VAMP4: variants seen among roughly 807,000 people sequenced by gnomAD.
VAMP4 encodes vesicle-associated membrane protein 4.
Under a neutral mutation model 23.5 loss-of-function variants are expected in VAMP4, and 19 were observed. The ratio of observed to expected loss-of-function variants is 0.81; its 90% CI spans 0.56 to 1.19. The LOEUF is 1.19. Among genes scored for constraint, VAMP4 ranks in the 50% most tolerant of loss-of-function variants. VAMP4 has a pLI of 0.00. For synonymous variants in VAMP4, 31 were observed against 51.0 expected, an observed-to-expected ratio of 0.61 and a Z score of 1.67; for missense variants, 145 against 168.6, an observed-to-expected ratio of 0.86 and a Z score of 0.78.
intron 3 of VAMP4, 92 bp from the exon 4 acceptor site, chr1:171,719,313 T>C: frequency 1.8e-6 from 2 of 1,096,012 alleles, no homozygotes; most frequent in Non-Finnish European, 2.6e-6. Flanking sequence ...ATACAAACAA[T>C]CAAGCTGAAC....
chr1:171,708,300 A>T (rs1572238710), intron 6 of VAMP4, among the ~76,000 whole-genome samples: 1 of 146,054 alleles, frequency 6.8e-6, no homozygotes, highest in Non-Finnish European at 1.5e-5. Context: ...AGATTGTGCC[A>T]CTGCACTCCA....
intron 6 of VAMP4, 66 bp from the exon 7 acceptor site, chr1:171,706,484 G>A (rs1361112723): frequency 2.7e-6 from 4 of 1,472,604 alleles, no homozygotes; most frequent in Non-Finnish European, 3.7e-6. Context: ...ACTATTTGTT[G>A]TTCTATTTAC....
At chr1:171,733,294 C>CAAAAAAAAAAAA (rs35176644) in intron 2 of VAMP4, among the ~76,000 whole-genome samples, 1 of 58,114 alleles carries the variant, frequency 1.7e-5, no homozygotes, top group Non-Finnish European at 3.0e-5. Context: ...CCCATCTCTA[C>CAAAAAAAAAAAA]AAAAAAAAAA....
chr1:171,724,136 C>T (rs540551093), intron 3 of VAMP4, among the ~76,000 whole-genome samples: 6 of 152,076 alleles, frequency 3.9e-5, no homozygotes, highest in South Asian at 4.2e-4. Context: ...TGGAATACTA[C>T]GCAGCCATAA....
At chr1:171,736,176 C>G (rs1197086217) in intron 2 of VAMP4, among the ~76,000 whole-genome samples, 1 of 152,160 alleles carries the variant, frequency 6.6e-6, no homozygotes, top group African/African-American at 2.4e-5. Flanking sequence ...CGCGAGCCAC[C>G]ACGCCTGGCC....
rs1246297774 is a variant in VAMP4, at chr1:171,700,784, A to G, written c.*3722T>C. 2 of 152,208 alleles carry G rather than the reference A, an allele frequency of 1.3e-5. No individual in the cohort carries two copies. Among genetic ancestry groups the G allele is most frequent in the Non-Finnish European group, 2.9e-5 (2 of 68,040 alleles). The allele number at this position is 152,208 out of a possible 1,614,324, so 9.4% of individuals were successfully genotyped here. A position where few individuals can be genotyped will look rare whatever the true frequency, so the allele number is the denominator to read the frequency against. On this transcript the variant is annotated 3_prime_UTR_variant, in exon 8 of 8. Coordinates refer to ENST00000236192, the MANE Select transcript of VAMP4 (RefSeq NM_003762.5). ...TCTAGCATCTGCCAAGGTTCACAGC[A>G]CTGTGCTGGGTGCTGGGGAGACAGA...
At chr1:171,709,829 A>T in intron 5 of VAMP4, 85 bp from the exon 6 acceptor site, 1 of 1,099,512 alleles carries the variant, frequency 9.1e-7, no homozygotes, top group Non-Finnish European at 1.4e-6. Context: ...GAAAATATTA[A>T]TTTCTACTTC....
At chr1:171,721,976 G>A (rs1413163179) in intron 3 of VAMP4, among the ~76,000 whole-genome samples, 2 of 152,148 alleles carry the variant, frequency 1.3e-5, no homozygotes. Flanking sequence ...AACAAAGTTG[G>A]AGGCGTCACG....
chr1:171,709,617 C>T (rs1277296371), intron 6 of VAMP4, 48 bp downstream of exon 6: 16 of 1,542,016 alleles, frequency 1.0e-5, no homozygotes, highest in Non-Finnish European at 1.4e-5. Flanking sequence ...TGTTTGAATA[C>T]CACTTCAGAT....
intron 3 of VAMP4, among the ~76,000 whole-genome samples, chr1:171,728,027 T>G (rs2124861575): frequency 6.6e-6 from 1 of 152,310 alleles, no homozygotes; most frequent in Middle Eastern, 3.4e-3. Context: ...CAGTAAGCTC[T>G]CTCTCACCCA....
rs536439296 is a variant in VAMP4, at chr1:171,726,886, T to C, written c.113+1638A>G. ...ATGAAAGGGTTAAGTTATAGATTTG[T>C]AGTAAATATTTTCAGAACACATATC... On this transcript the variant is annotated intron_variant, in intron 3 of 7. Transcript: ENST00000236192. 2.7e-4 allele frequency among the ~76,000 whole-genome samples: 41 copies of C among 152,188 alleles called. 1 individual carries two copies. The South Asian group carries it at 5.0e-3, about 18-fold the overall frequency.
At position 171,704,132 on chromosome 1, in the gene VAMP4, C is replaced by A. The variant is rs15655; in HGVS notation, c.*374G>T. On this transcript the variant is annotated 3_prime_UTR_variant, in exon 8 of 8. Transcript: ENST00000236192. ...GGTACTCTACACAGGCTTCCTGACC[C>A]CCAGCATGACCCGCTCCCTAATGCA... 26,314 of 156,764 alleles carry A rather than the reference C, an allele frequency of 0.17. 2,346 individuals are homozygous for A. The highest frequency in any genetic ancestry group is 0.25 in the Middle Eastern group (78 of 314). 9.7% of individuals were successfully genotyped at this position (156,764 alleles called of 1,614,324 possible).
intron 4 of VAMP4, among the ~76,000 whole-genome samples, chr1:171,712,712 T>TA (rs1654888291): frequency 6.6e-6 from 1 of 152,184 alleles, no homozygotes. Context: ...CCTAATCCCC[T>TA]AAGTAGAGAG....
chr1:171,704,754 G>A (rs1225831434), intron 7 of VAMP4, among the ~76,000 whole-genome samples: 5 of 151,798 alleles, frequency 3.3e-5, no homozygotes, highest in African/African-American at 9.7e-5. Flanking sequence ...ATAAATAATG[G>A]CATAGCCATA....
At position 171,703,425 on chromosome 1, in the gene VAMP4, G is replaced by GTATGTATA. The variant is rs1654528781; in HGVS notation, c.*1080_*1081insTATACATA. 1.2e-5 allele frequency: 1 copy of GTATGTATA among 80,674 alleles called. No homozygotes were observed. Among genetic ancestry groups the GTATGTATA allele is most frequent in the African/African-American group, 4.8e-5 (1 of 20,922 alleles). 5.0% of individuals were successfully genotyped at this position (80,674 alleles called of 1,614,324 possible). ...TGTGTGTGTGTGTGTGTGTTTGTGTGTATATATATATATATATATATATAT... is the reference window on the plus strand; with the variant it reads ...TGTGTGTGTGTGTGTGTGTTTGTGTGTATGTATATATATATATATATATATATATATAT... On this transcript the variant is annotated 3_prime_UTR_variant, in exon 8 of 8. Coordinates refer to ENST00000236192, the MANE Select transcript of VAMP4 (RefSeq NM_003762.5).
chr1:171,726,765 T>C (rs1655382804), intron 3 of VAMP4, among the ~76,000 whole-genome samples: 1 of 152,160 alleles, frequency 6.6e-6, no homozygotes, highest in African/African-American at 2.4e-5. Flanking sequence ...AGATTTCTTA[T>C]ATATGAAAAA....
At position 171,706,367 on chromosome 1, in the gene VAMP4, T is replaced by G; in HGVS notation, c.397A>C (p.Ile133Leu). ...VAAILLLVII[I>L]LIVMKYRT is the part of the protein sequence containing the mutation. Reference sequence around the variant, plus strand: ...AAGTAATAATCCAATAAATACTTACTGATAATCACTAGCAAAAGGATAGCA... The same window carrying G: ...AAGTAATAATCCAATAAATACTTACGGATAATCACTAGCAAAAGGATAGCA... Residue 133 changes from isoleucine to leucine, a missense_variant and splice_region_variant, in exon 7 of 8, where the codon ATT becomes CTT. By Grantham distance (5) the Ile-to-Leu change is conservative (BLOSUM62 2). Coordinates refer to ENST00000236192, the MANE Select transcript of VAMP4 (RefSeq NM_003762.5). The G allele has an allele frequency of 2.5e-6, 4 of 1,608,486 alleles. No individual in the cohort carries two copies. The highest frequency in any genetic ancestry group is 3.4e-6 in the Non-Finnish European group (4 of 1,177,346).
At position 171,700,732 on chromosome 1, in the gene VAMP4, T is replaced by C. The variant is rs1048295045; in HGVS notation, c.*3774A>G. On this transcript the variant is annotated 3_prime_UTR_variant, in exon 8 of 8. Coordinates refer to ENST00000236192, the MANE Select transcript of VAMP4 (RefSeq NM_003762.5). ...AACATGTGGCATCTTTGTGGCTTCA[T>C]AGGCACATTCATTCAACACACATTT... is the stretch of plus-strand genomic sequence containing the variant. The C allele has an allele frequency of 2.0e-5, 3 of 152,258 alleles. No homozygotes were observed. Among genetic ancestry groups the C allele is most frequent in the African/African-American group, 4.8e-5 (2 of 41,468 alleles). The allele number at this position is 152,258 out of a possible 1,614,324, so 9.4% of individuals were successfully genotyped here.
In VAMP4 at chr1:171,726,067, G is replaced by A. The variant is rs553701506; in HGVS notation, c.113+2457C>T. ...ACAAAAAAAGTCACATTTTTTTTTG[G>A]GGGGGGCGAAGTATCACTCTGTTGC... On this transcript the variant is annotated intron_variant, in intron 3 of 7. Coordinates refer to ENST00000236192, the MANE Select transcript of VAMP4 (RefSeq NM_003762.5). 3.3e-5 allele frequency among the ~76,000 whole-genome samples: 5 copies of A among 150,796 alleles called. No individual in the cohort carries two copies. In the South Asian group the frequency reaches 8.4e-4, roughly 25 times the overall value.
Sources: allele counts gnomAD v4.1 joint callset (sites outside exome capture counted in the v4.1 genomes callset), GRCh38; gene constraint gnomAD v4.1.1; transcripts MANE v1.5; gene names NCBI Gene and HGNC (gene_info 2026-07-23, HGNC 2026-07-21).